The following SEC23B variants were observed in gnomAD, a reference collection of about 807,000 sequenced individuals.
The protein encoded by SEC23B is SEC23 homolog B, COPII component, also known as protein transport protein Sec23B.
In SEC23B, 77 loss-of-function variants were observed where a neutral mutation model predicts 104.3. That is an observed-to-expected ratio of 0.74 (90% CI 0.61 to 0.89). The LOEUF is 0.89. Among genes scored for constraint, SEC23B ranks in the 40% least tolerant of loss-of-function variants. The pLI is 0.00. For synonymous variants in SEC23B, 338 were observed against 332.5 expected, an observed-to-expected ratio of 1.02 and a Z score of -0.18; for missense variants, 885 against 949.4, an observed-to-expected ratio of 0.93 and a Z score of 0.89.
intron 14 of SEC23B, among the ~76,000 whole-genome samples, chr20:18,544,868 A>C (rs186348060): frequency 6.6e-6 from 1 of 152,278 alleles, no homozygotes; most frequent in Non-Finnish European, 1.5e-5. Context: ...ACTTGATGAA[A>C]TGATTCTGTG....
intron 3 of SEC23B, among the ~76,000 whole-genome samples, chr20:18,513,339 T>G (rs1356816758): frequency 2.0e-5 from 3 of 148,638 alleles, no homozygotes; most frequent in African/African-American, 7.5e-5. Context: ...ACAGCAAGAG[T>G]GTCAAAAAAA....
intron 19 of SEC23B, among the ~76,000 whole-genome samples, chr20:18,558,506 C>T (rs1381149412): frequency 1.3e-5 from 2 of 152,182 alleles, no homozygotes; most frequent in South Asian, 2.1e-4. Flanking sequence ...GCCTTTTCAC[C>T]TGCTCTCTTT....
At position 18,560,858 on chromosome 20, in the gene SEC23B, T is replaced by G; in HGVS notation, c.*118T>G. 2 of 760,334 alleles carry G rather than the reference T, an allele frequency of 2.6e-6. No homozygotes were observed. Among genetic ancestry groups the G allele is most frequent in the Non-Finnish European group, 4.8e-6 (2 of 420,898 alleles). The allele number at this position is 760,334 out of a possible 1,614,324, so 47.1% of individuals were successfully genotyped here. On this transcript the variant is annotated 3_prime_UTR_variant, in exon 20 of 20. Coordinates refer to ENST00000650089, the MANE Select transcript of SEC23B (RefSeq NM_006363.6). ...TTTTAACAAATAATCAAGGACATTT[T>G]ATATGTAACTCTTTAGATTATAATT...
At chr20:18,546,313 G>A (rs1052652652) in intron 15 of SEC23B, among the ~76,000 whole-genome samples, 2 of 152,184 alleles carry the variant, frequency 1.3e-5, no homozygotes, top group Non-Finnish European at 1.5e-5. Flanking sequence ...TATCTCTCAT[G>A]TGTAGAAGTT....
chr20:18,530,905 G>T (rs2060181529), intron 10 of SEC23B, 102 bp downstream of exon 10: 1 of 912,234 alleles, frequency 1.1e-6, no homozygotes, highest in Non-Finnish European at 1.7e-6. Flanking sequence ...GCGTCCTAAA[G>T]TGCTGGGATT....
chr20:18,526,003 G>T, intron 7 of SEC23B, 71 bp downstream of exon 7: 1 of 1,533,504 alleles, frequency 6.5e-7, no homozygotes, highest in East Asian at 2.2e-5. Context: ...TGTTGGCTTT[G>T]TTTGAAAATC....
chr20:18,544,029 C>T (rs3827966), intron 14 of SEC23B, among the ~76,000 whole-genome samples: 14,379 of 152,172 alleles, frequency 0.094, 867 homozygotes, highest in East Asian at 0.27. Flanking sequence ...CTGACGCTCA[C>T]CTCCAGCACT....
intron 3 of SEC23B, among the ~76,000 whole-genome samples, chr20:18,514,197 G>T (rs1444150635): frequency 6.6e-6 from 1 of 152,142 alleles, no homozygotes; most frequent in East Asian, 1.9e-4. Context: ...GGGTTTTCTA[G>T]CTCTAAATGA....
chr20:18,538,175 A>C (rs924033905), intron 12 of SEC23B, among the ~76,000 whole-genome samples: 1 of 151,586 alleles, frequency 6.6e-6, no homozygotes, highest in Non-Finnish European at 1.5e-5. Flanking sequence ...AACTGACCTC[A>C]AGTGATCTGC....
chr20:18,535,160 G>A (rs1170646005), intron 11 of SEC23B, among the ~76,000 whole-genome samples: 3 of 150,990 alleles, frequency 2.0e-5, no homozygotes, highest in Non-Finnish European at 4.5e-5. Context: ...GGATTTCAGC[G>A]TTATATACCA....
chr20:18,559,011 G>A (rs1414813480), intron 19 of SEC23B, among the ~76,000 whole-genome samples: 1 of 141,776 alleles, frequency 7.1e-6, no homozygotes, highest in Non-Finnish European at 1.5e-5. Flanking sequence ...ATGAGACCCT[G>A]GATCTTATTT....
intron 8 of SEC23B, among the ~76,000 whole-genome samples, chr20:18,527,222 A>C (rs2060141731): frequency 6.6e-6 from 1 of 151,948 alleles, no homozygotes; most frequent in African/African-American, 2.4e-5. Flanking sequence ...CTCAAAAAGT[A>C]AATAAAAATA....
At chr20:18,558,259 G>T (rs997279099) in intron 19 of SEC23B, among the ~76,000 whole-genome samples, 7 of 152,150 alleles carry the variant, frequency 4.6e-5, no homozygotes, top group Non-Finnish European at 8.8e-5. Context: ...TTCACTGTCA[G>T]TCTCATTGTT....
Position 18,554,964 on chromosome 20 carries a change from AAACAATTCTAAT to A in SEC23B, c.2149-143_2149-132del. 2.2e-4 allele frequency: 16 copies of A among 71,380 alleles called. 6 individuals are homozygous for A. Among genetic ancestry groups the A allele is most frequent in the South Asian group, 5.9e-4 (3 of 5,104 alleles). The allele number at this position is 71,380 out of a possible 1,614,324, so 4.4% of individuals were successfully genotyped here. On this transcript the variant is annotated intron_variant, in intron 18 of 19. Coordinates refer to ENST00000650089, the MANE Select transcript of SEC23B (RefSeq NM_006363.6). Reference sequence around the variant, plus strand: ...TAAAGAAATAGATTACTGTGCAGTAAAACAATTCTAATTAGATTACTGTGCAGTAAAACAATT... The same window carrying A: ...TAAAGAAATAGATTACTGTGCAGTAATAGATTACTGTGCAGTAAAACAATT...
rs3830936 is a variant in SEC23B at position 18,548,855 on chromosome 20, T to TA, written c.1905+91dup. 3.4e-5 allele frequency: 47 copies of TA among 1,389,440 alleles called. No homozygotes were observed. In the East Asian group the frequency reaches 5.3e-4, roughly 16 times the overall value. 86.1% of individuals were successfully genotyped at this position (1,389,440 alleles called of 1,614,324 possible). A position where few individuals can be genotyped will look rare whatever the true frequency, so the allele number is the denominator to read the frequency against. ...TAAGCAAATTTACTTAGCAGAACTG[T>TA]AAAAAAGAAGTAAAATTTGGAGTTT... On this transcript the variant is annotated intron_variant, in intron 16 of 19. Transcript: ENST00000650089.
At chr20:18,535,551 ACTCTAAGTAGC>A in intron 11 of SEC23B, 91 bp from the exon 12 acceptor site, 1 of 817,242 alleles carries the variant, frequency 1.2e-6, no homozygotes, top group Non-Finnish European at 2.1e-6. Context: ...AAAAGAAGAT[ACTCTAAGTAGC>A]CTGCCCTACT....
intron 5 of SEC23B, 84 bp from the exon 6 acceptor site, chr20:18,524,850 AC>A: frequency 6.9e-7 from 1 of 1,457,120 alleles, no homozygotes; most frequent in Non-Finnish European, 9.5e-7. Flanking sequence ...ATGCCACCAC[AC>A]CCAGCTGAGG....
intron 18 of SEC23B, among the ~76,000 whole-genome samples, chr20:18,554,655 G>A (rs962684138): frequency 1.8e-4 from 28 of 152,018 alleles, no homozygotes; most frequent in Non-Finnish European, 5.9e-5. Flanking sequence ...GTGAAACCCC[G>A]TCTCTACTAA....
intron 4 of SEC23B, among the ~76,000 whole-genome samples, chr20:18,520,119 G>A (rs2060069438): frequency 6.6e-6 from 1 of 152,142 alleles, no homozygotes. Flanking sequence ...TGTGGAGGGA[G>A]GTATTGAGGA....
Sources: gnomAD v4.1 joint callset for allele counts (sites outside exome capture counted in the v4.1 genomes callset) on GRCh38, gnomAD v4.1.1 for gene constraint, MANE v1.5 for transcripts, NCBI Gene and HGNC (gene_info 2026-07-23, HGNC 2026-07-21) for gene names.